The following SPOCD1 variants were observed in gnomAD, a reference collection of about 807,000 sequenced individuals.
The protein encoded by SPOCD1 is SPOC domain-containing protein 1.
Under a neutral mutation model 92.2 loss-of-function variants are expected in SPOCD1, and 64 were observed. The observed-to-expected ratio is 0.69, with a 90% CI of 0.57 to 0.86. The LOEUF is 0.86. SPOCD1 is among the 40% of genes least tolerant of loss of function. The pLI is 0.00. For missense variants in SPOCD1, 1,360 were observed against 1,543.1 expected, an observed-to-expected ratio of 0.88 and a Z score of 1.99; for synonymous variants, 578 against 619.3, an observed-to-expected ratio of 0.93 and a Z score of 0.99.
Position 31,815,309 on chromosome 1 carries a change from C to T in SPOCD1, c.25G>A (p.Gly9Ser). 6.4e-7 allele frequency: 1 copy of T among 1,558,332 alleles called. No individual in the cohort carries two copies. MSQAGDVE[G>S]PSTGDPVLSP... ...AGCACAGGGTCTCCTGTGCTGGGGC[C>T]TTCTACGTCCCCCGCCTGGGACATG... Residue 9 changes from glycine (G) to serine (S), a missense_variant, in exon 2 of 16, where the codon GGC becomes AGC. Transcript: ENST00000360482.
intron 9 of SPOCD1, 103 bp from the exon 10 acceptor site, chr1:31,796,818 C>A (rs1054763557): frequency 1.3e-6 from 2 of 1,531,136 alleles, no homozygotes; most frequent in East Asian, 4.5e-5. Flanking sequence ...TCTTGTGGTT[C>A]CCCTCTCCTC....
intron 2 of SPOCD1, among the ~76,000 whole-genome samples, chr1:31,807,699 G>A (rs1648928423): frequency 6.6e-6 from 1 of 151,910 alleles, no homozygotes; most frequent in Non-Finnish European, 1.5e-5. Context: ...ACATATAGTG[G>A]AGAGGATGAA....
intron 4 of SPOCD1, 61 bp from the exon 5 acceptor site, chr1:31,800,202 C>T (rs568180167): frequency 8.5e-6 from 13 of 1,526,330 alleles, no homozygotes; most frequent in South Asian, 1.3e-5. Context: ...TGTTCCCTCC[C>T]CAGATGTACT....
At position 31,790,925 on chromosome 1, in the gene SPOCD1, T is replaced by C. The variant is rs1647541189; in HGVS notation, c.3329A>G (p.Gln1110Arg). The change falls in exon 16 of 16, where the codon CAG (glutamine) becomes CGG (arginine). Residue 1110 changes from glutamine (Q) to arginine (R), a missense_variant. By Grantham distance (43) the Gln-to-Arg change is conservative. Around this residue, in one of 3 missense-constraint regions of SPOCD1, gnomAD observed 614 missense variants for 757.8 expected, o/e 0.81. Coordinates refer to ENST00000360482, the MANE Select transcript of SPOCD1 (RefSeq NM_144569.7). Reference sequence around the variant, plus strand: ...GCGCAAGCCTGGCTCTGGGGGCCACTGCCCTCGCCCAGGATGCTGCCAGTT... The same window carrying C: ...GCGCAAGCCTGGCTCTGGGGGCCACCGCCCTCGCCCAGGATGCTGCCAGTT... ...PENWQHPGRG[Q>R]WPPEPGLRQS... is the part of the protein sequence containing the mutation. 1.3e-6 allele frequency: 2 copies of C among 1,578,852 alleles called. No individual in the cohort carries two copies. The highest frequency in any genetic ancestry group is 2.3e-5 in the South Asian group (2 of 85,378).
chr1:31,806,362 C>T (rs1168822779), intron 2 of SPOCD1, among the ~76,000 whole-genome samples: 1 of 152,012 alleles, frequency 6.6e-6, no homozygotes, highest in African/African-American at 2.4e-5. Context: ...AAAGCCTGGG[C>T]CAAAAAGCAA....
chr1:31,797,101 T>C (rs1648082624), intron 9 of SPOCD1, among the ~76,000 whole-genome samples: 1 of 152,236 alleles, frequency 6.6e-6, no homozygotes, highest in Non-Finnish European at 1.5e-5. Context: ...AGCACTTAGC[T>C]GCTCTAAGCC....
chr1:31,800,256 G>T, intron 4 of SPOCD1, 115 bp from the exon 5 acceptor site: 1 of 1,499,588 alleles, frequency 6.7e-7, no homozygotes, highest in Non-Finnish European at 8.9e-7. Flanking sequence ...TGAATTCAGA[G>T]CTGCAGAAAG....
At chr1:31,793,495 T>G in intron 12 of SPOCD1, 67 bp from the exon 13 acceptor site, 8 of 1,539,434 alleles carry the variant, frequency 5.2e-6, no homozygotes, top group Non-Finnish European at 7.0e-6. Context: ...GCACCTCCTT[T>G]CTTTTCAGAG....
intron 15 of SPOCD1, 138 bp downstream of exon 15, chr1:31,792,077 T>C: frequency 1.1e-6 from 1 of 884,106 alleles, no homozygotes; most frequent in Non-Finnish European, 1.7e-6. Flanking sequence ...TTACTGTCAT[T>C]GTACTCACAT....
chr1:31,809,824 C>G (rs576344390), intron 2 of SPOCD1, among the ~76,000 whole-genome samples: 1 of 152,080 alleles, frequency 6.6e-6, no homozygotes, highest in East Asian at 1.9e-4. Context: ...TTCCTTGGTC[C>G]CTGCCCTGGA....
chr1:31,799,295 G>A (rs566669164), intron 7 of SPOCD1, 106 bp downstream of exon 7: 194 of 984,634 alleles, frequency 2.0e-4, no homozygotes, highest in Non-Finnish European at 2.6e-4. Context: ...TACCAAATGG[G>A]GTTAGCCAGA....
intron 3 of SPOCD1, among the ~76,000 whole-genome samples, chr1:31,800,946 C>A (rs1377313428): frequency 6.6e-6 from 1 of 152,226 alleles, no homozygotes; most frequent in Non-Finnish European, 1.5e-5. Context: ...TCTCACTCTT[C>A]TTCTGACCAC....
intron 2 of SPOCD1, among the ~76,000 whole-genome samples, chr1:31,803,666 G>C (rs911017577): frequency 6.6e-6 from 1 of 151,928 alleles, no homozygotes; most frequent in Non-Finnish European, 1.5e-5. Context: ...GTTTGAGCCG[G>C]AGAAGTCAAG....
At chr1:31,803,993 A>C (rs1648649011) in intron 2 of SPOCD1, among the ~76,000 whole-genome samples, 1 of 152,194 alleles carries the variant, frequency 6.6e-6, no homozygotes, top group South Asian at 2.1e-4. Context: ...AATTTTTCAA[A>C]ATTGATAAAA....
intron 2 of SPOCD1, 51 bp downstream of exon 2, chr1:31,813,900 T>G: frequency 2.2e-4 from 312 of 1,424,276 alleles, no homozygotes; most frequent in Non-Finnish European, 2.6e-4. Context: ...AGTATGGTAT[T>G]GAGAAACATG....
At chr1:31,799,629 A>G (rs989772946) in intron 6 of SPOCD1, 144 bp from the exon 7 acceptor site, 2 of 1,090,106 alleles carry the variant, frequency 1.8e-6, no homozygotes, top group Non-Finnish European at 2.7e-6. Flanking sequence ...TCTGGGAGCC[A>G]AGCCCAGGCA....
At chr1:31,794,312 C>T in intron 10 of SPOCD1, 77 bp from the exon 11 acceptor site, 1 of 931,096 alleles carries the variant, frequency 1.1e-6, no homozygotes, top group Middle Eastern at 2.2e-4. Flanking sequence ...TAGGGGGCCC[C>T]AGGATGTGGT....
chr1:31,806,666 C>T (rs1648840236), intron 2 of SPOCD1, among the ~76,000 whole-genome samples: 1 of 151,992 alleles, frequency 6.6e-6, no homozygotes, highest in African/African-American at 2.4e-5. Context: ...CTGCCTCAGC[C>T]TCCTGAGTGG....
In SPOCD1 at chr1:31,793,196, A is replaced by G. The variant is rs1647730131; in HGVS notation, c.2685+82T>C. 6.8e-6 allele frequency: 10 copies of G among 1,461,376 alleles called. No homozygotes were observed. The South Asian group carries it at 1.2e-4, about 18-fold the overall frequency. 90.5% of individuals were successfully genotyped at this position (1,461,376 alleles called of 1,614,324 possible). ...GTGCCCATGAATTGTTTTAGAATGC[A>G]TGAGTGAAAGAGAGAGAGAGAGAGA... On this transcript the variant is annotated intron_variant, in intron 13 of 15. Transcript: ENST00000360482.
Sources: allele counts gnomAD v4.1 joint callset (sites outside exome capture counted in the v4.1 genomes callset), GRCh38; gene constraint gnomAD v4.1.1; regional missense constraint gnomAD v4.1.1; transcripts MANE v1.5; gene names NCBI Gene and HGNC (gene_info 2026-07-23, HGNC 2026-07-21).